The following SMARCD3 variants were observed in gnomAD, a reference collection of about 807,000 sequenced individuals.
SMARCD3 encodes SWI/SNF-related matrix-associated actin-dependent regulator of chromatin subfamily D member 3.
Under a neutral mutation model 58.0 loss-of-function variants are expected in SMARCD3, and 14 were observed. The observed-to-expected ratio is 0.24, with a 90% confidence interval of 0.16 to 0.38. The LOEUF (loss-of-function observed/expected upper bound fraction) is 0.38. Among genes scored for constraint, SMARCD3 ranks in the 10% least tolerant of loss-of-function variants. SMARCD3 has a pLI of 1.00. For missense variants in SMARCD3, 408 were observed against 636.9 expected, an observed-to-expected ratio of 0.64 and a Z score of 3.87; for synonymous variants, 253 against 253.8, an observed-to-expected ratio of 1.00 and a Z score of 0.03.
chr7:151,252,597 C>T (rs1803562675), upstream of SMARCD3, among the ~76,000 whole-genome samples: 1 of 152,206 alleles, frequency 6.6e-6, no homozygotes, highest in East Asian at 1.9e-4. Context: ...CGCCATCCAG[C>T]CTACCTGCCC....
rs532188308 is a variant in SMARCD3, at chr7:151,239,435, G to C, written c.1359C>G (p.Pro453=). The part of the protein sequence containing the change: ...EERRAEFYHQ[P]WSQEAVSRYF... ...AGCGACTGACGGCCTCCTGGGACCAGGGCTGGTGGTAGAACTCAGCCCGGC... is the reference window on the plus strand; with the variant it reads ...AGCGACTGACGGCCTCCTGGGACCACGGCTGGTGGTAGAACTCAGCCCGGC... The change falls in exon 12 of 13, where the codon CCC becomes CCG. Residue 453 remains proline, a synonymous_variant. Coordinates refer to ENST00000262188, the MANE Select transcript of SMARCD3 (RefSeq NM_001003801.2). This position sits in a 1 kb window ranked among gnomAD's most constrained non-coding sequence, Gnocchi z 7.0. The C allele has an allele frequency of 8.1e-6, 13 of 1,613,856 alleles. No individual in the cohort carries two copies. The East Asian group carries it at 2.9e-4, about 36-fold the overall frequency.
chr7:151,245,299 C>T lies in SMARCD3; in HGVS notation c.290+161G>A, dbSNP rs938528966. ...CACAAAAGAATCAGGCCGGTGCCCCCTAAGCCTACCTCCCCAGAGGGCATT... is the reference window on the plus strand; with the variant it reads ...CACAAAAGAATCAGGCCGGTGCCCCTTAAGCCTACCTCCCCAGAGGGCATT... On this transcript the variant is annotated intron_variant, in intron 2 of 12. Coordinates refer to ENST00000262188, the MANE Select transcript of SMARCD3 (RefSeq NM_001003801.2). The surrounding 1 kb of genome is among the most constrained non-coding windows in gnomAD (Gnocchi z 6.2). 3.9e-5 allele frequency among the ~76,000 whole-genome samples: 6 copies of T among 152,234 alleles called. No homozygotes were observed. The highest frequency in any genetic ancestry group is 1.2e-4 in the African/African-American group (5 of 41,468).
upstream of SMARCD3, among the ~76,000 whole-genome samples, chr7:151,251,486 C>A (rs1385387084): frequency 6.6e-6 from 1 of 152,196 alleles, no homozygotes; most frequent in Non-Finnish European, 1.5e-5. Context: ...ACAGGAGGAG[C>A]CTTCAGACCA....
At position 151,241,779 on chromosome 7, in the gene SMARCD3, G is replaced by A. The variant is rs1204165289; in HGVS notation, c.777+98C>T. The A allele has an allele frequency of 1.5e-6, 2 of 1,369,840 alleles. No individual in the cohort carries two copies. Among genetic ancestry groups the A allele is most frequent in the Non-Finnish European group, 1.0e-6 (1 of 977,620 alleles). The allele number at this position is 1,369,840 out of a possible 1,614,324, so 84.9% of individuals were successfully genotyped here. ...ATGCCCCTGGGGAAGGATAGGTTTGGGAGGGGAAGGAGGTCTCTCAAGATG... is the reference window on the plus strand; with the variant it reads ...ATGCCCCTGGGGAAGGATAGGTTTGAGAGGGGAAGGAGGTCTCTCAAGATG... On this transcript the variant is annotated intron_variant, in intron 7 of 12. Transcript: ENST00000262188. This position sits in a 1 kb window ranked among gnomAD's most constrained non-coding sequence, Gnocchi z 5.3.
upstream of SMARCD3, chr7:151,248,768 C>G: frequency 1.1e-6 from 1 of 949,716 alleles, no homozygotes; most frequent in Non-Finnish European, 1.3e-6. The surrounding 1 kb of genome is among the most constrained non-coding windows in gnomAD (Gnocchi z 6.1). Context: ...CCGCCGCCGC[C>G]GCCGCCGCGG....
rs1245680469 is a variant in SMARCD3 at position 151,242,832 on chromosome 7, C to T, written c.345G>A (p.Leu115=). The T allele has an allele frequency of 6.2e-7, 1 of 1,614,140 alleles. No homozygotes were observed. The highest frequency in any genetic ancestry group is 1.3e-5 in the African/African-American group (1 of 75,044). The change falls in exon 4 of 13, where the codon CTG becomes CTA. Residue 115 remains leucine (L), a synonymous_variant. Coordinates refer to ENST00000262188, the MANE Select transcript of SMARCD3 (RefSeq NM_001003801.2). This position sits in a 1 kb window ranked among gnomAD's most constrained non-coding sequence, Gnocchi z 4.7. ...DKILPQRIRE[L]VPESQAYMDL... is the part of the protein sequence containing the mutation. ...CCATGTAAGCCTGGGACTCGGGGAC[C>T]AGCTCCCGAATCTGGAGAAGGAGGA...
At chr7:151,250,144 G>A (rs1022035774), upstream of SMARCD3, among the ~76,000 whole-genome samples, 1 of 152,120 alleles carries the variant, frequency 6.6e-6, no homozygotes, top group Non-Finnish European at 1.5e-5. Flanking sequence ...CTTTCTGCCT[G>A]CAGCCTGATT....
intron 2 of SMARCD3, among the ~76,000 whole-genome samples, chr7:151,255,479 G>C (rs1166662514): frequency 6.6e-6 from 1 of 152,018 alleles, no homozygotes; most frequent in Non-Finnish European, 1.5e-5. Flanking sequence ...CTGGCTCCTG[G>C]CTCATGTCAC....
chr7:151,239,972 G>T lies in SMARCD3; in HGVS notation c.1173+140C>A. 2.0e-6 allele frequency: 2 copies of T among 1,019,790 alleles called. No individual in the cohort carries two copies. Among genetic ancestry groups the T allele is most frequent in the East Asian group, 2.6e-5 (1 of 38,726 alleles). The allele number at this position is 1,019,790 out of a possible 1,614,324, so 63.2% of individuals were successfully genotyped here. A position where few individuals can be genotyped will look rare whatever the true frequency, so the allele number is the denominator to read the frequency against. ...TGGACGGGCCATGTGTGTCCCATTG[G>T]CCCAGAGTCTGGTCTCTTTTTTTTT... On this transcript the variant is annotated intron_variant, in intron 10 of 12. Coordinates refer to ENST00000262188, the MANE Select transcript of SMARCD3 (RefSeq NM_001003801.2). This position sits in a 1 kb window ranked among gnomAD's most constrained non-coding sequence, Gnocchi z 7.0.
At chr7:151,247,130 C>T (rs1174314830) in intron 1 of SMARCD3, among the ~76,000 whole-genome samples, 1 of 152,154 alleles carries the variant, frequency 6.6e-6, no homozygotes, top group Non-Finnish European at 1.5e-5. Flanking sequence ...GTCACTCAGG[C>T]CTCCAGGGTA....
intron 8 of SMARCD3, 197 bp from the exon 9 acceptor site, chr7:151,240,719 A>T: frequency 2.9e-5 from 15 of 508,736 alleles, no homozygotes; most frequent in East Asian, 6.9e-5. Flanking sequence ...GGGGTGGGTC[A>T]GTGTGGGGCA....
Position 151,248,386 on chromosome 7 carries a change from G to T in SMARCD3, c.78+99C>A, listed in dbSNP as rs570418758. 2 of 1,046,578 alleles carry T rather than the reference G, an allele frequency of 1.9e-6. No homozygotes were observed. The highest frequency in any genetic ancestry group is 1.8e-5 in the Admixed American group (1 of 55,068). The allele number at this position is 1,046,578 out of a possible 1,614,324, so 64.8% of individuals were successfully genotyped here. A position where few individuals can be genotyped will look rare whatever the true frequency, so the allele number is the denominator to read the frequency against. ...GGCCATGACGCCCCCCACTAGAGGG[G>T]TGGGAGAGCGGGAGCGCCCTCCCGG... On this transcript the variant is annotated intron_variant, in intron 1 of 12. Coordinates refer to ENST00000262188, the MANE Select transcript of SMARCD3 (RefSeq NM_001003801.2). This position sits in a 1 kb window ranked among gnomAD's most constrained non-coding sequence, Gnocchi z 6.1.
chr7:151,252,758 C>T (rs1160290067), upstream of SMARCD3, among the ~76,000 whole-genome samples: 1 of 152,108 alleles, frequency 6.6e-6, no homozygotes, highest in Non-Finnish European at 1.5e-5. Flanking sequence ...CATCAGGCAC[C>T]TTCCTCCTCC....
rs1434603713 is a variant in SMARCD3 at position 151,242,868 on chromosome 7, A to T, written c.334-25T>A. ...TCTGGAGAAGGAGGAGCAGGGCAGG[A>T]GTCAGAGGCTCAAGTCCAGGGTTGT... On this transcript the variant is annotated intron_variant, in intron 3 of 12. Transcript: ENST00000262188. This position sits in a 1 kb window ranked among gnomAD's most constrained non-coding sequence, Gnocchi z 4.7. The T allele has an allele frequency of 1.2e-6, 2 of 1,613,522 alleles. No homozygotes were observed. Among genetic ancestry groups the T allele is most frequent in the East Asian group, 4.5e-5 (2 of 44,864 alleles).
At chr7:151,276,147 G>C (rs925173717) in intron 1 of SMARCD3, among the ~76,000 whole-genome samples, 1 of 151,530 alleles carries the variant, frequency 6.6e-6, no homozygotes, top group Non-Finnish European at 1.5e-5. Flanking sequence ...CCAGGGTCGG[G>C]GGGGAGGTGC....
rs1803089061 is a variant in SMARCD3, at chr7:151,243,281, C to A, written c.333+378G>T. Among the ~76,000 whole-genome samples, 1 of 152,200 alleles carries A rather than the reference C, an allele frequency of 6.6e-6. No homozygotes were observed. Among genetic ancestry groups the A allele is most frequent in the African/African-American group, 2.4e-5 (1 of 41,458 alleles). On this transcript the variant is annotated intron_variant, in intron 3 of 12. Coordinates refer to ENST00000262188, the MANE Select transcript of SMARCD3 (RefSeq NM_001003801.2). This position sits in a 1 kb window ranked among gnomAD's most constrained non-coding sequence, Gnocchi z 4.4. ...CACCTTGCTCAGCCCCCACACCTGT[C>A]CCAACTGTGCTGTCCCCATACCCAG...
At chr7:151,276,895 G>C (rs1795363067), upstream of SMARCD3, among the ~76,000 whole-genome samples, 1 of 112,696 alleles carries the variant, frequency 8.9e-6, no homozygotes, top group Non-Finnish European at 1.9e-5. Flanking sequence ...GCCAGGCAGG[G>C]AGGAGAAGGG....
chr7:151,274,001 T>A (rs1431795295), intron 2 of SMARCD3, among the ~76,000 whole-genome samples: 3 of 152,236 alleles, frequency 2.0e-5, no homozygotes, highest in African/African-American at 7.2e-5. Flanking sequence ...GCACTTTCAT[T>A]CTGCCCACAG....
chr7:151,263,929 G>C (rs1803998013), intron 2 of SMARCD3, among the ~76,000 whole-genome samples: 4 of 152,160 alleles, frequency 2.6e-5, no homozygotes, highest in African/African-American at 9.7e-5. Context: ...GGTGCCTTCA[G>C]CTCCACCAGT....
Sources: allele counts gnomAD v4.1 joint callset (sites outside exome capture counted in the v4.1 genomes callset), GRCh38; gene constraint gnomAD v4.1.1; non-coding constraint Gnocchi (gnomAD v3.1); transcripts MANE v1.5; gene names NCBI Gene and HGNC (gene_info 2026-07-23, HGNC 2026-07-21).